The following MTDH variants were observed in gnomAD, a reference collection of about 807,000 sequenced individuals.
MTDH encodes the protein metadherin.
MTDH carries 34 observed loss-of-function variants against 72.7 expected under a neutral mutation model. The observed-to-expected ratio is 0.47, with a 90% CI of 0.36 to 0.62. MTDH has a LOEUF of 0.62. Ranked by LOEUF, MTDH falls within the 20% of genes least tolerant of loss-of-function variation. MTDH has a pLI of 0.00. For synonymous variants in MTDH, 266 were observed against 268.9 expected (o/e 0.99, Z 0.10); for missense variants, 677 against 699.4 (o/e 0.97, Z 0.36).
intron 8 of MTDH, among the ~76,000 whole-genome samples, chr8:97,710,683 CAAAAAAAAAAAA>C (rs376391821): frequency 1.1e-3 from 57 of 53,128 alleles, no homozygotes; most frequent in African/African-American, 3.9e-3. Context: ...GAGACTATCT[CAAAAAAAAAAAA>C]AAAAAAAAAA....
chr8:97,697,684 C>T (rs1167068986), intron 6 of MTDH, among the ~76,000 whole-genome samples: 3 of 152,034 alleles, frequency 2.0e-5, no homozygotes, highest in Non-Finnish European at 4.4e-5. Context: ...CGCACCTGGC[C>T]TGATTTTTTT....
intron 8 of MTDH, among the ~76,000 whole-genome samples, chr8:97,707,118 G>A (rs1300561156): frequency 6.6e-6 from 1 of 151,636 alleles, no homozygotes; most frequent in Non-Finnish European, 1.5e-5. Context: ...TTAATGATAG[G>A]GAGATTTTGG....
rs529939012 is a variant in MTDH at position 97,712,740 on chromosome 8, C to T, written c.1273-922C>T. Among the ~76,000 whole-genome samples the T allele has an allele frequency of 1.7e-4, 26 of 152,276 alleles. 1 individual carries two copies. In the South Asian group the frequency reaches 5.4e-3, roughly 32 times the overall value. On this transcript the variant is annotated intron_variant, in intron 8 of 11. Transcript: ENST00000336273. ...AGTTCTGATAGGTGTACAGTGATAACTCATTGTGGTTTTAATATGCATTTC... is the reference window on the plus strand; with the variant it reads ...AGTTCTGATAGGTGTACAGTGATAATTCATTGTGGTTTTAATATGCATTTC...
chr8:97,714,815 C>G lies in MTDH; in HGVS notation c.1380+1046C>G, dbSNP rs74306680. 4.6e-5 allele frequency among the ~76,000 whole-genome samples: 7 copies of G among 151,594 alleles called. No individual in the cohort carries two copies. In the East Asian group the frequency reaches 1.4e-3, roughly 29 times the overall value. Reference sequence around the variant, plus strand: ...ATAGTAATTTTTCCTACTTATTGTTCTATTTGTTTATCTTTTTTTTTTTTA... The same window carrying G: ...ATAGTAATTTTTCCTACTTATTGTTGTATTTGTTTATCTTTTTTTTTTTTA... On this transcript the variant is annotated intron_variant, in intron 9 of 11. Transcript: ENST00000336273.
At chr8:97,661,227 T>C in intron 2 of MTDH, 54 bp downstream of exon 2, 6 of 1,281,206 alleles carry the variant, frequency 4.7e-6, no homozygotes, top group South Asian at 1.3e-5. Context: ...GAATGACATA[T>C]AAGGATAATG....
chr8:97,662,249 A>G (rs949708216), intron 2 of MTDH, among the ~76,000 whole-genome samples: 10 of 150,440 alleles, frequency 6.6e-5, no homozygotes, highest in Non-Finnish European at 1.5e-4. Flanking sequence ...CCCACACAAC[A>G]TAGTCTTGAA....
rs1285055204 is a variant in MTDH, at chr8:97,729,431, G to C, written c.*4761G>C. 6.6e-6 allele frequency among the ~76,000 whole-genome samples: 1 copy of C among 152,064 alleles called. No individual in the cohort carries two copies. Among genetic ancestry groups the C allele is most frequent in the Non-Finnish European group, 1.5e-5 (1 of 68,000 alleles). ...CTGGATGGGACGTAATATTCTATCT[G>C]GGTTGTCATGGGCCAAATTAACATT... On this transcript the variant is annotated 3_prime_UTR_variant, in exon 12 of 12. Coordinates refer to ENST00000336273, the MANE Select transcript of MTDH (RefSeq NM_178812.4).
At chr8:97,718,517 G>GT (rs999318597) in intron 9 of MTDH, among the ~76,000 whole-genome samples, 13 of 111,860 alleles carry the variant, frequency 1.2e-4, no homozygotes, top group East Asian at 6.6e-4. Flanking sequence ...TTTTGTTTTT[G>GT]TTTTTTTTGT....
At position 97,729,444 on chromosome 8, in the gene MTDH, C is replaced by G. The variant is rs917470419; in HGVS notation, c.*4774C>G. On this transcript the variant is annotated 3_prime_UTR_variant, in exon 12 of 12. Coordinates refer to ENST00000336273, the MANE Select transcript of MTDH (RefSeq NM_178812.4). ...AATATTCTATCTGGGTTGTCATGGGCCAAATTAACATTTTGAGATTCTGTT... is the reference window on the plus strand; with the variant it reads ...AATATTCTATCTGGGTTGTCATGGGGCAAATTAACATTTTGAGATTCTGTT... Among the ~76,000 whole-genome samples, 21 of 152,062 alleles carry G rather than the reference C, an allele frequency of 1.4e-4. No individual in the cohort carries two copies. The highest frequency in any genetic ancestry group is 5.1e-4 in the African/African-American group (21 of 41,416).
chr8:97,647,523 T>C (rs777630493), intron 1 of MTDH, among the ~76,000 whole-genome samples: 1 of 151,802 alleles, frequency 6.6e-6, no homozygotes, highest in African/African-American at 2.4e-5. Flanking sequence ...TTCGAGGCCC[T>C]GTCTAAAAAA....
rs1161987402 is a variant in MTDH at position 97,722,903 on chromosome 8, A to G, written c.1546A>G (p.Thr516Ala). The change falls in exon 11 of 12, where the codon ACT (threonine) becomes GCT (alanine). Residue 516 changes from threonine to alanine, a missense_variant. Coordinates refer to ENST00000336273, the MANE Select transcript of MTDH (RefSeq NM_178812.4). ...SQPIKTLPPA[T>A]STEPSVILSK... ...GCCTATCAAGACTCTTCCACCTGCT[A>G]CTTCTACCGAGCCATCTGTAATCTT... The G allele has an allele frequency of 1.2e-6, 2 of 1,612,640 alleles. No individual in the cohort carries two copies.
intron 6 of MTDH, among the ~76,000 whole-genome samples, chr8:97,696,746 A>G (rs1813847726): frequency 6.6e-6 from 1 of 152,146 alleles, no homozygotes; most frequent in Non-Finnish European, 1.5e-5. Context: ...CTAATAAACT[A>G]CTGTTAATTC....
intron 2 of MTDH, among the ~76,000 whole-genome samples, chr8:97,679,241 C>T (rs926408758): frequency 1.3e-5 from 2 of 151,728 alleles, no homozygotes; most frequent in Non-Finnish European, 2.9e-5. Flanking sequence ...AGCTATAAAC[C>T]AGATGTAAAA....
In MTDH at chr8:97,719,889, G is replaced by A. The variant is rs187375757; in HGVS notation, c.1521+700G>A. Among the ~76,000 whole-genome samples the A allele has an allele frequency of 2.6e-4, 39 of 152,314 alleles. No individual in the cohort carries two copies. The East Asian group carries it at 7.3e-3, about 29-fold the overall frequency. ...ACTTGGTTATAGGCTCTTGAATGAT[G>A]TGCCTTCTATGGAAAGTATCTGTAT... On this transcript the variant is annotated intron_variant, in intron 10 of 11. Coordinates refer to ENST00000336273, the MANE Select transcript of MTDH (RefSeq NM_178812.4).
At chr8:97,683,112 T>TG (rs1181377024) in intron 2 of MTDH, among the ~76,000 whole-genome samples, 1 of 129,156 alleles carries the variant, frequency 7.7e-6, no homozygotes, top group Non-Finnish European at 1.6e-5. Flanking sequence ...TCACCCAGGC[T>TG]GGAGTGCAGT....
Position 97,728,908 on chromosome 8 carries a change from C to CT in MTDH, c.*4251dup, listed in dbSNP as rs566772651. 0.2 allele frequency: 29,375 copies of CT among 143,884 alleles called. 3,208 individuals are homozygous for CT. The highest frequency in any genetic ancestry group is 0.31 in the East Asian group (1,524 of 4,908). 8.9% of individuals were successfully genotyped at this position (143,884 alleles called of 1,614,324 possible). On this transcript the variant is annotated 3_prime_UTR_variant, in exon 12 of 12. Transcript: ENST00000336273. ...GTTCCTCCCCATTCTCAACCTGTAG[C>CT]TTTTTTTTTTTTTCTTTTAATGAGA...
chr8:97,706,623 T>C lies in MTDH; in HGVS notation c.1148-3T>C. ...ACGCCTAATTCACACTGTTAAATTT[T>C]AGATGGTCTGTCTTCTGCTGATCCC... is the stretch of plus-strand genomic sequence containing the variant. On this transcript the variant is annotated splice_polypyrimidine_tract_variant and splice_region_variant and intron_variant, in intron 7 of 11. Coordinates refer to ENST00000336273, the MANE Select transcript of MTDH (RefSeq NM_178812.4). 6.3e-7 allele frequency: 1 copy of C among 1,577,348 alleles called. No individual in the cohort carries two copies. The highest frequency in any genetic ancestry group is 8.6e-7 in the Non-Finnish European group (1 of 1,164,768).
At chr8:97,709,549 GT>G (rs1157762233) in intron 8 of MTDH, among the ~76,000 whole-genome samples, 1 of 152,216 alleles carries the variant, frequency 6.6e-6, no homozygotes, top group Non-Finnish European at 1.5e-5. Flanking sequence ...ATGGAAAGAT[GT>G]GATATGTTTA....
chr8:97,697,844 AT>A (rs1268089723), intron 6 of MTDH, among the ~76,000 whole-genome samples: 1 of 152,164 alleles, frequency 6.6e-6, no homozygotes, highest in Non-Finnish European at 1.5e-5. Flanking sequence ...TTGCTTCCTC[AT>A]TTGGTGACTC....
Sources: gnomAD v4.1 joint callset for allele counts (sites outside exome capture counted in the v4.1 genomes callset) on GRCh38, gnomAD v4.1.1 for gene constraint, MANE v1.5 for transcripts, NCBI Gene and HGNC (gene_info 2026-07-23, HGNC 2026-07-21) for gene names.